CDH13: variants seen among roughly 807,000 people sequenced by gnomAD.
CDH13 encodes cadherin-13.
CDH13 carries 24 observed loss-of-function variants against 63.8 expected under a neutral mutation model. That is an observed-to-expected ratio of 0.38 (90% CI 0.27 to 0.53). The LOEUF (loss-of-function observed/expected upper bound fraction) is 0.53. Among genes scored for constraint, CDH13 ranks in the 20% least tolerant of loss-of-function variants. The probability of loss-of-function intolerance (pLI) is 0.85; values close to 1 mark genes in which losing one functional copy is unlikely to be tolerated. For missense variants in CDH13, 1,049 were observed against 903.1 expected (o/e 1.16, Z -2.07); for synonymous variants, 503 against 355.3 (o/e 1.42, Z -4.67).
chr16:83,760,638 A>G (rs1913889647), intron 11 of CDH13, among the ~76,000 whole-genome samples: 1 of 152,236 alleles, frequency 6.6e-6, no homozygotes. Context: ...ACCCAGGCGA[A>G]ATTAATCCTA....
intron 7 of CDH13, among the ~76,000 whole-genome samples, chr16:83,596,860 T>C (rs1296224956): frequency 6.6e-6 from 1 of 152,188 alleles, no homozygotes; most frequent in Non-Finnish European, 1.5e-5. Context: ...AAAGCAATAA[T>C]GTTCATTACA....
intron 4 of CDH13, among the ~76,000 whole-genome samples, chr16:83,198,508 T>G (rs2151763121): frequency 6.6e-6 from 1 of 152,324 alleles, no homozygotes; most frequent in East Asian, 1.9e-4. Flanking sequence ...CTATTTATTA[T>G]TCAGATCTCC....
chr16:82,925,182 G>A (rs1175592393), intron 2 of CDH13, among the ~76,000 whole-genome samples: 1 of 152,118 alleles, frequency 6.6e-6, no homozygotes, highest in African/African-American at 2.4e-5. Context: ...GCCTCCTTTA[G>A]CTCTCAGTAA....
chr16:83,521,381 A>C (rs1271182728), intron 7 of CDH13, among the ~76,000 whole-genome samples: 1 of 152,230 alleles, frequency 6.6e-6, no homozygotes, highest in Non-Finnish European at 1.5e-5. Context: ...ATAATGGAAA[A>C]AAAATTGTAT....
intron 5 of CDH13, among the ~76,000 whole-genome samples, chr16:83,253,465 G>C: frequency 6.6e-6 from 1 of 152,220 alleles, no homozygotes; most frequent in East Asian, 1.9e-4. Flanking sequence ...TGGTCGTGTT[G>C]AGAGAACCAG....
At chr16:82,738,186 T>C (rs1000164061) in intron 1 of CDH13, among the ~76,000 whole-genome samples, 8 of 152,190 alleles carry the variant, frequency 5.3e-5, no homozygotes, top group African/African-American at 1.7e-4. Context: ...CTTGCAAGAA[T>C]ATGATGGGTG....
intron 1 of CDH13, among the ~76,000 whole-genome samples, chr16:82,805,450 T>C (rs147374427): frequency 7.1e-4 from 108 of 152,254 alleles, no homozygotes; most frequent in Non-Finnish European, 1.1e-3. Flanking sequence ...AAGAAACAGA[T>C]GTATGAGGCC....
chr16:83,554,674 T>TAC (rs140138095), intron 7 of CDH13, among the ~76,000 whole-genome samples: 6 of 151,792 alleles, frequency 4.0e-5, no homozygotes, highest in African/African-American at 1.4e-4. Context: ...ATCACAACCT[T>TAC]ACACACACAC....
chr16:82,894,298 C>T (rs1442238817), intron 2 of CDH13, among the ~76,000 whole-genome samples: 1 of 152,170 alleles, frequency 6.6e-6, no homozygotes, highest in African/African-American at 2.4e-5. Context: ...TGGAAGAAAA[C>T]AGAGTTCAGG....
intron 1 of CDH13, among the ~76,000 whole-genome samples, chr16:82,794,377 C>A (rs148511595): frequency 4.6e-5 from 5 of 109,096 alleles, no homozygotes; most frequent in Non-Finnish European, 1.2e-4. Context: ...AGGTTTAAAT[C>A]ATCTGAACAT....
chr16:83,559,940 C>T (rs146016689), intron 7 of CDH13, among the ~76,000 whole-genome samples: 2 of 152,108 alleles, frequency 1.3e-5, no homozygotes, highest in East Asian at 3.9e-4. Flanking sequence ...AACAGTTGGC[C>T]AATATACATG....
intron 7 of CDH13, among the ~76,000 whole-genome samples, chr16:83,570,831 A>ATATAAATAT (rs1904526063): frequency 1.1e-5 from 1 of 91,630 alleles, no homozygotes; most frequent in Non-Finnish European, 2.6e-5. Flanking sequence ...TATAAATAAA[A>ATATAAATAT]ATTTATATTT....
chr16:83,425,079 C>G lies in CDH13; in HGVS notation c.782-61398C>G, dbSNP rs187502278. Among the ~76,000 whole-genome samples the G allele has an allele frequency of 3.3e-5, 5 of 152,338 alleles. No individual in the cohort carries two copies. In the East Asian group the frequency reaches 9.6e-4, roughly 29 times the overall value. On this transcript the variant is annotated intron_variant, in intron 6 of 13. Coordinates refer to ENST00000567109, the MANE Select transcript of CDH13 (RefSeq NM_001257.5). ...CTATCACACCATAGCATGCTTACAA[C>G]CTCGGTCAAGAAAGAGCTGTGATCC...
At chr16:83,161,336 A>G (rs1314290247) in intron 4 of CDH13, among the ~76,000 whole-genome samples, 2 of 150,552 alleles carry the variant, frequency 1.3e-5, no homozygotes, top group Non-Finnish European at 2.9e-5. Flanking sequence ...TTGAGCTTCT[A>G]TATTAAAGAA....
chr16:82,828,595 C>T (rs991432747), intron 1 of CDH13, among the ~76,000 whole-genome samples: 13 of 151,784 alleles, frequency 8.6e-5, no homozygotes, highest in African/African-American at 2.7e-4. Flanking sequence ...GCACTCCAGC[C>T]TGGGCAACAG....
chr16:83,164,365 A>C (rs1274590309), intron 4 of CDH13, among the ~76,000 whole-genome samples: 1 of 152,022 alleles, frequency 6.6e-6, no homozygotes, highest in Non-Finnish European at 1.5e-5. Context: ...CACACCACAC[A>C]TGGTGGAGTT....
chr16:82,954,919 G>A (rs1905841018), intron 2 of CDH13, among the ~76,000 whole-genome samples: 1 of 152,104 alleles, frequency 6.6e-6, no homozygotes, highest in South Asian at 2.1e-4. Context: ...CTTTCACTTA[G>A]GATAGTGTTT....
intron 1 of CDH13, among the ~76,000 whole-genome samples, chr16:82,701,848 C>G (rs1238797920): frequency 6.6e-6 from 1 of 152,150 alleles, no homozygotes; most frequent in African/African-American, 2.4e-5. Flanking sequence ...TTAGCCAGGA[C>G]TTAGTCACCT....
chr16:82,786,027 G>A (rs986841089), intron 1 of CDH13, among the ~76,000 whole-genome samples: 10 of 152,160 alleles, frequency 6.6e-5, no homozygotes, highest in Non-Finnish European at 1.5e-5. Context: ...TAAAGAGAAT[G>A]ATGGAGTGAG....
Sources: allele counts gnomAD v4.1 joint callset (sites outside exome capture counted in the v4.1 genomes callset), GRCh38; gene constraint gnomAD v4.1.1; transcripts MANE v1.5; gene names NCBI Gene and HGNC (gene_info 2026-07-23, HGNC 2026-07-21).